SLCO1B1: variants seen among roughly 807,000 people sequenced by gnomAD.
The protein encoded by SLCO1B1 is OATP-2.
In SLCO1B1, 81 loss-of-function variants were observed where a neutral mutation model predicts 70.1. The observed-to-expected ratio is 1.16, with a 90% CI of 0.97 to 1.39. The LOEUF (loss-of-function observed/expected upper bound fraction) is 1.39. SLCO1B1 is among the 40% of genes most tolerant of loss of function. The pLI, the probability that SLCO1B1 is intolerant of heterozygous loss-of-function variation, is 0.00. For missense variants in SLCO1B1, 895 were observed against 799.6 expected (o/e 1.12, Z -1.44); for synonymous variants, 283 against 271.5 (o/e 1.04, Z -0.42).
intron 1 of SLCO1B1, among the ~76,000 whole-genome samples, chr12:21,132,082 C>T (rs989900957): frequency 6.6e-6 from 1 of 151,922 alleles, no homozygotes; most frequent in East Asian, 1.9e-4. Flanking sequence ...TGAGAACATG[C>T]GGTGTTTGGT....
chr12:21,218,325 T>G (rs1941384307), intron 12 of SLCO1B1, among the ~76,000 whole-genome samples: 1 of 152,178 alleles, frequency 6.6e-6, no homozygotes, highest in Non-Finnish European at 1.5e-5. Context: ...ACTTGTAACA[T>G]GTAAATAATT....
chr12:21,143,544 C>CA (rs1401546780), intron 2 of SLCO1B1, among the ~76,000 whole-genome samples: 1 of 151,866 alleles, frequency 6.6e-6, no homozygotes, highest in Non-Finnish European at 1.5e-5. Flanking sequence ...TTTTCCTTAC[C>CA]ATAATTCTAT....
chr12:21,214,892 A>T (rs1298509139), intron 11 of SLCO1B1, among the ~76,000 whole-genome samples: 2 of 151,614 alleles, frequency 1.3e-5, no homozygotes, highest in East Asian at 3.9e-4. Context: ...TGCGCTTCCC[A>T]AGCCAGGCAA....
intron 12 of SLCO1B1, among the ~76,000 whole-genome samples, chr12:21,221,217 A>G (rs1035184717): frequency 3.3e-5 from 5 of 152,198 alleles, no homozygotes; most frequent in African/African-American, 1.2e-4. Flanking sequence ...TACTGAAAGG[A>G]AAAAAGTTGA....
chr12:21,136,229 G>T (rs1940219483), intron 1 of SLCO1B1, among the ~76,000 whole-genome samples: 1 of 152,080 alleles, frequency 6.6e-6, no homozygotes, highest in Non-Finnish European at 1.5e-5. Flanking sequence ...TCCCTTTGTG[G>T]GTAACCCAAC....
At chr12:21,211,805 A>C (rs1254034616) in intron 11 of SLCO1B1, among the ~76,000 whole-genome samples, 3 of 152,216 alleles carry the variant, frequency 2.0e-5, no homozygotes, top group Admixed American at 6.5e-5. Context: ...TGTATATGTC[A>C]AGGAATTTAT....
chr12:21,229,689 A>G (rs1941514467), intron 14 of SLCO1B1, among the ~76,000 whole-genome samples: 1 of 152,128 alleles, frequency 6.6e-6, no homozygotes. Context: ...AAGATGTTTG[A>G]TTCTGTTATA....
chr12:21,162,442 A>G (rs183204585), intron 2 of SLCO1B1, among the ~76,000 whole-genome samples: 39 of 152,278 alleles, frequency 2.6e-4, no homozygotes, highest in African/African-American at 7.7e-4. Flanking sequence ...GAAAATTTCC[A>G]TTCCACATGA....
At chr12:21,201,255 T>C (rs1190219689) in intron 9 of SLCO1B1, among the ~76,000 whole-genome samples, 3 of 152,096 alleles carry the variant, frequency 2.0e-5, no homozygotes, top group Non-Finnish European at 4.4e-5. Context: ...TCAATATAAA[T>C]ATATGATGAA....
At chr12:21,197,258 A>G (rs1382223382) in intron 8 of SLCO1B1, 70 bp downstream of exon 8, 2 of 1,562,552 alleles carry the variant, frequency 1.3e-6, no homozygotes, top group Non-Finnish European at 8.7e-7. Flanking sequence ...GAGTATTCCA[A>G]AATAATAAAG....
At chr12:21,211,054 C>T (rs1405566859) in intron 11 of SLCO1B1, among the ~76,000 whole-genome samples, 1 of 152,150 alleles carries the variant, frequency 6.6e-6, no homozygotes, top group Non-Finnish European at 1.5e-5. Flanking sequence ...CCATTTATTT[C>T]CTTCTCCTGC....
chr12:21,144,966 C>G (rs1411294772), intron 2 of SLCO1B1, among the ~76,000 whole-genome samples: 2 of 152,152 alleles, frequency 1.3e-5, no homozygotes, highest in African/African-American at 4.8e-5. Context: ...ATAGACTTAA[C>G]TACAGAGCCC....
Position 21,131,215 on chromosome 12 carries a change from T to A in SLCO1B1, c.-83T>A, listed in dbSNP as rs1479057211. 1 of 152,106 alleles carries A rather than the reference T, an allele frequency of 6.6e-6. No individual in the cohort carries two copies. Among genetic ancestry groups the A allele is most frequent in the East Asian group, 1.9e-4 (1 of 5,186 alleles). 9.4% of individuals were successfully genotyped at this position (152,106 alleles called of 1,614,324 possible). On this transcript the variant is annotated 5_prime_UTR_variant, in exon 1 of 15. Transcript: ENST00000256958. ...GAATAAAGGGTGGACTTGTTGCAGT[T>A]GCTGTAGGATTCTAAATCCAGGTAA...
chr12:21,187,943 G>T (rs1940982560), intron 7 of SLCO1B1, among the ~76,000 whole-genome samples: 1 of 152,124 alleles, frequency 6.6e-6, no homozygotes, highest in Non-Finnish European at 1.5e-5. Context: ...AGATGATGGG[G>T]AAGGAGACAT....
In SLCO1B1 at chr12:21,239,370, G is replaced by T; in HGVS notation, c.*181G>T. The T allele has an allele frequency of 1.7e-6, 1 of 579,090 alleles. No individual in the cohort carries two copies. Among genetic ancestry groups the T allele is most frequent in the Non-Finnish European group, 3.1e-6 (1 of 320,176 alleles). 35.9% of individuals were successfully genotyped at this position (579,090 alleles called of 1,614,324 possible). A position where few individuals can be genotyped will look rare whatever the true frequency, so the allele number is the denominator to read the frequency against. On this transcript the variant is annotated 3_prime_UTR_variant, in exon 15 of 15. Coordinates refer to ENST00000256958, the MANE Select transcript of SLCO1B1 (RefSeq NM_006446.5). Reference sequence around the variant, plus strand: ...CAAACTGTAGGTAGAAAAAATGAGAGTACTCATTGTTACATTATAGCTACA... The same window carrying T: ...CAAACTGTAGGTAGAAAAAATGAGATTACTCATTGTTACATTATAGCTACA...
chr12:21,203,408 T>A (rs1941179753), intron 10 of SLCO1B1, among the ~76,000 whole-genome samples: 1 of 152,000 alleles, frequency 6.6e-6, no homozygotes, highest in Non-Finnish European at 1.5e-5. Flanking sequence ...TTCTGATAAT[T>A]TCCTGAATAT....
intron 10 of SLCO1B1, among the ~76,000 whole-genome samples, chr12:21,205,573 A>G (rs7132052): frequency 0.017 from 2,508 of 150,722 alleles, 70 homozygotes; most frequent in African/African-American, 0.059. Flanking sequence ...TCATAGAATT[A>G]TAACAACTTC....
intron 2 of SLCO1B1, among the ~76,000 whole-genome samples, chr12:21,167,192 C>G (rs1034382887): frequency 6.6e-6 from 1 of 151,980 alleles, no homozygotes; most frequent in African/African-American, 2.4e-5. Context: ...TATAATAATC[C>G]TCTTGATAAA....
chr12:21,228,806 T>A (rs1463443631), intron 14 of SLCO1B1, among the ~76,000 whole-genome samples: 1 of 152,056 alleles, frequency 6.6e-6, no homozygotes, highest in African/African-American at 2.4e-5. Flanking sequence ...CTAAGACAAG[T>A]ATTAGGCTTC....
Sources: allele counts gnomAD v4.1 joint callset (sites outside exome capture counted in the v4.1 genomes callset), GRCh38; gene constraint gnomAD v4.1.1; transcripts MANE v1.5; gene names NCBI Gene and HGNC (gene_info 2026-07-23, HGNC 2026-07-21).